Variants in SMAD6 observed in about 807,000 individuals in gnomAD.
SMAD6 encodes the protein SMAD family member 6.
In SMAD6, 103 loss-of-function variants were observed where a neutral mutation model predicts 39.4. The observed-to-expected ratio is 2.62, with a 90% CI of 2.23 to 3.08. The LOEUF (loss-of-function observed/expected upper bound fraction) is 3.08. Ranked by LOEUF, SMAD6 falls within the 30% of genes most tolerant of loss-of-function variation. SMAD6 has a pLI of 0.00. For synonymous variants in SMAD6, 445 were observed against 353.3 expected (o/e 1.26, Z -2.91); for missense variants, 1,104 against 742.9 (o/e 1.49, Z -5.65).
chr15:66,770,181 A>T (rs139186997), intron 3 of SMAD6, among the ~76,000 whole-genome samples: 1 of 151,614 alleles, frequency 6.6e-6, no homozygotes, highest in Non-Finnish European at 1.5e-5. Context: ...GCATCCCTGC[A>T]CCTCTGATGC....
Position 66,781,566 on chromosome 15 carries a change from G to C in SMAD6, c.*31G>C, listed in dbSNP as rs1894579453. 1 of 1,457,466 alleles carries C rather than the reference G, an allele frequency of 6.9e-7. No individual in the cohort carries two copies. Among genetic ancestry groups the C allele is most frequent in the East Asian group, 2.4e-5 (1 of 40,906 alleles). 90.3% of individuals were successfully genotyped at this position (1,457,466 alleles called of 1,614,324 possible). On this transcript the variant is annotated 3_prime_UTR_variant, in exon 4 of 4. Coordinates refer to ENST00000288840, the MANE Select transcript of SMAD6 (RefSeq NM_005585.5). ...GCCCCGGCGGGAGGGGCGGGTGGGA[G>C]GCCGCGGCCACCGCCACCTGCCGGC...
Position 66,781,478 on chromosome 15 carries a change from GCAGTT to G in SMAD6, c.1437_1441del (p.Gln479HisfsTer84). ...AGGGCTGGGGGCCCTGCTACTCCCG[GCAGTT>G]CATCACCTCCTGCCCCTGCTGGCTG... On this transcript the variant is annotated frameshift_variant, in exon 4 of 4. Coordinates refer to ENST00000288840, the MANE Select transcript of SMAD6 (RefSeq NM_005585.5). LOFTEE classifies it high-confidence loss of function. The G allele has an allele frequency of 6.3e-7, 1 of 1,599,422 alleles. No individual in the cohort carries two copies. The highest frequency in any genetic ancestry group is 2.2e-5 in the East Asian group (1 of 44,546).
chr15:66,731,051 A>C (rs1208059258), intron 3 of SMAD6, among the ~76,000 whole-genome samples: 1 of 152,204 alleles, frequency 6.6e-6, no homozygotes, highest in Non-Finnish European at 1.5e-5. Context: ...ACATACAGTA[A>C]AATTTTGTGG....
At chr15:66,715,161 C>A (rs1279875231) in intron 2 of SMAD6, among the ~76,000 whole-genome samples, 1 of 150,724 alleles carries the variant, frequency 6.6e-6, no homozygotes, top group Non-Finnish European at 1.5e-5. Context: ...TTTTCTCTTC[C>A]TTGCATTGTT....
At position 66,716,420 on chromosome 15, in the gene SMAD6, G is replaced by T. The variant is rs768925483; in HGVS notation, c.875-1G>T. ...AGTTCTCTTTTTCTTTCCTCCCACA[G>T]ATCTGTCCGATTCCACATTGTCTTA... On this transcript the variant is annotated splice_acceptor_variant, in intron 2 of 3. Coordinates refer to ENST00000288840, the MANE Select transcript of SMAD6 (RefSeq NM_005585.5). LOFTEE classifies it high-confidence loss of function. 2 of 1,611,238 alleles carry T rather than the reference G, an allele frequency of 1.2e-6. No homozygotes were observed. The highest frequency in any genetic ancestry group is 2.2e-5 in the East Asian group (1 of 44,872).
At chr15:66,767,413 G>A (rs1420229988) in intron 3 of SMAD6, among the ~76,000 whole-genome samples, 2 of 152,180 alleles carry the variant, frequency 1.3e-5, no homozygotes, top group African/African-American at 4.8e-5. Context: ...TATTAGCCTG[G>A]TGGGATGGAT....
At chr15:66,733,322 T>C (rs980691583) in intron 3 of SMAD6, among the ~76,000 whole-genome samples, 1 of 152,240 alleles carries the variant, frequency 6.6e-6, no homozygotes, top group Non-Finnish European at 1.5e-5. Context: ...TGTTGATTTC[T>C]ACAAAAAAGG....
intron 3 of SMAD6, among the ~76,000 whole-genome samples, chr15:66,749,415 GC>G: frequency 6.6e-6 from 1 of 152,222 alleles, no homozygotes; most frequent in Middle Eastern, 3.4e-3. Flanking sequence ...CTGAGATCAC[GC>G]CATTGCACTC....
At chr15:66,739,513 G>A (rs1203977546) in intron 3 of SMAD6, among the ~76,000 whole-genome samples, 1 of 152,240 alleles carries the variant, frequency 6.6e-6, no homozygotes, top group Non-Finnish European at 1.5e-5. Context: ...CCCTTGGTGA[G>A]GGGTGCAGAA....
At chr15:66,745,770 C>T (rs1241358280) in intron 3 of SMAD6, among the ~76,000 whole-genome samples, 1 of 152,212 alleles carries the variant, frequency 6.6e-6, no homozygotes, top group Non-Finnish European at 1.5e-5. Context: ...CTCTCCGGGC[C>T]TCAGCTTGCT....
At chr15:66,715,111 C>T (rs1203617835) in intron 2 of SMAD6, among the ~76,000 whole-genome samples, 5 of 140,668 alleles carry the variant, frequency 3.6e-5, no homozygotes, top group African/African-American at 1.3e-4. Flanking sequence ...ATAACTTTTT[C>T]ATTCCCTGAT....
chr15:66,735,850 A>G (rs2140630059), intron 3 of SMAD6, among the ~76,000 whole-genome samples: 1 of 152,338 alleles, frequency 6.6e-6, no homozygotes, highest in African/African-American at 2.4e-5. Flanking sequence ...TGCCTGACCC[A>G]GGACAATTCT....
chr15:66,773,209 T>TG (rs1894408146), intron 3 of SMAD6, among the ~76,000 whole-genome samples: 1 of 3,538 alleles, frequency 2.8e-4, no homozygotes, highest in Non-Finnish European at 4.9e-4. Context: ...GGAGCTGAGG[T>TG]GGGGGGTGGG....
intron 3 of SMAD6, among the ~76,000 whole-genome samples, chr15:66,773,253 C>T (rs1894409107): frequency 6.6e-6 from 1 of 152,144 alleles, no homozygotes; most frequent in Non-Finnish European, 1.5e-5. Context: ...GAGGAAACTC[C>T]TGTCAGCTGG....
intron 3 of SMAD6, among the ~76,000 whole-genome samples, chr15:66,742,053 C>T (rs1477350735): frequency 1.3e-5 from 2 of 152,184 alleles, no homozygotes; most frequent in East Asian, 3.8e-4. Context: ...GGAGGTCTTG[C>T]TGCCTTTCCC....
intron 3 of SMAD6, among the ~76,000 whole-genome samples, chr15:66,749,361 G>A (rs944932437): frequency 2.6e-5 from 4 of 152,170 alleles, no homozygotes; most frequent in African/African-American, 9.7e-5. Flanking sequence ...GGGAGGGTAA[G>A]GCAAGAGAAT....
intron 3 of SMAD6, among the ~76,000 whole-genome samples, chr15:66,729,438 G>A (rs1488684458): frequency 2.0e-4 from 30 of 152,356 alleles, no homozygotes; most frequent in Non-Finnish European, 1.9e-4. Flanking sequence ...TACCCCGGGA[G>A]CAGCCGGCCG....
chr15:66,703,209 CG>C lies in SMAD6; in HGVS notation c.-48del. 7.7e-7 allele frequency: 1 copy of C among 1,294,984 alleles called. No individual in the cohort carries two copies. Among genetic ancestry groups the C allele is most frequent in the Non-Finnish European group, 1.0e-6 (1 of 1,000,984 alleles). The allele number at this position is 1,294,984 out of a possible 1,614,324, so 80.2% of individuals were successfully genotyped here. Reference sequence around the variant, plus strand: ...GCGCCTCGCTGAGGGAACGGACCCCCGGTAACCGGAGACCGCCTCCCCCCCA... The same window carrying C: ...GCGCCTCGCTGAGGGAACGGACCCCCGTAACCGGAGACCGCCTCCCCCCCA... On this transcript the variant is annotated 5_prime_UTR_variant, in exon 1 of 4. The change abolishes the stop of an existing upstream ORF in the 5' untranslated region. Coordinates refer to ENST00000288840, the MANE Select transcript of SMAD6 (RefSeq NM_005585.5).
At chr15:66,743,808 G>A (rs1184663075) in intron 3 of SMAD6, among the ~76,000 whole-genome samples, 1 of 152,128 alleles carries the variant, frequency 6.6e-6, no homozygotes, top group African/African-American at 2.4e-5. Context: ...TAGCTGTTTT[G>A]TAGCTCTTTT....
Sources: allele counts gnomAD v4.1 joint callset (sites outside exome capture counted in the v4.1 genomes callset), GRCh38; gene constraint gnomAD v4.1.1; transcripts MANE v1.5; gene names NCBI Gene and HGNC (gene_info 2026-07-23, HGNC 2026-07-21).